GALNT13: variants seen among roughly 807,000 people sequenced by gnomAD.
GALNT13 encodes the protein polypeptide N-acetylgalactosaminyltransferase 13.
Under a neutral mutation model 64.2 loss-of-function variants are expected in GALNT13, and 28 were observed. The observed-to-expected ratio is 0.44, with a 90% CI of 0.32 to 0.60. The LOEUF (loss-of-function observed/expected upper bound fraction) is 0.60, where lower values mean the gene tolerates loss of function less well. Among genes scored for constraint, GALNT13 ranks in the 20% least tolerant of loss-of-function variants. GALNT13 has a pLI of 0.05. For synonymous variants in GALNT13, 214 were observed against 224.6 expected (o/e 0.95, Z 0.42); for missense variants, 577 against 669.8 (o/e 0.86, Z 1.53).
intron 3 of GALNT13, among the ~76,000 whole-genome samples, chr2:154,089,654 G>T (rs1701702632): frequency 6.6e-6 from 1 of 152,040 alleles, no homozygotes; most frequent in Non-Finnish European, 1.5e-5. Flanking sequence ...CACCCATCTG[G>T]AGTGGCGCTT....
chr2:153,813,115 G>T, the GALNT13 span, among the ~76,000 whole-genome samples: 2 of 151,872 alleles, frequency 1.3e-5, no homozygotes, highest in Admixed American at 6.6e-5. Context: ...TCTCACTTAG[G>T]TTTGAGACTG....
chr2:153,863,223 A>C, the GALNT13 span, among the ~76,000 whole-genome samples: 1 of 152,192 alleles, frequency 6.6e-6, no homozygotes, highest in Admixed American at 6.5e-5. Context: ...TTTGAATGAG[A>C]TAGGTGAAGC....
the GALNT13 span, among the ~76,000 whole-genome samples, chr2:153,717,203 T>C: frequency 6.6e-6 from 1 of 152,164 alleles, no homozygotes; most frequent in Non-Finnish European, 1.5e-5. Context: ...TTGCCATTTT[T>C]CCCCCTTCTG....
chr2:153,085,963 G>C, the GALNT13 span, among the ~76,000 whole-genome samples: 1 of 152,222 alleles, frequency 6.6e-6, no homozygotes, highest in Non-Finnish European at 1.5e-5. Flanking sequence ...AAAGCCATGG[G>C]AGCCGCCTCT....
the GALNT13 span, among the ~76,000 whole-genome samples, chr2:153,833,514 T>C: frequency 6.6e-6 from 1 of 152,148 alleles, no homozygotes; most frequent in Non-Finnish European, 1.5e-5. Flanking sequence ...GAAAGAAGTC[T>C]CACAGTATAA....
the GALNT13 span, among the ~76,000 whole-genome samples, chr2:153,823,460 A>C: frequency 6.6e-6 from 1 of 152,128 alleles, no homozygotes; most frequent in African/African-American, 2.4e-5. Flanking sequence ...GAACCCAGAT[A>C]CAAACCCTCA....
chr2:153,643,953 A>C, the GALNT13 span, among the ~76,000 whole-genome samples: 2 of 152,090 alleles, frequency 1.3e-5, no homozygotes, highest in Non-Finnish European at 1.5e-5. Context: ...AATCTGCAAC[A>C]ATCATCTTAG....
chr2:154,148,985 G>A (rs905439931), intron 4 of GALNT13, among the ~76,000 whole-genome samples: 2 of 152,136 alleles, frequency 1.3e-5, no homozygotes, highest in African/African-American at 4.8e-5. Flanking sequence ...TGGTGTTTTA[G>A]ACATGAAGTC....
the GALNT13 span, among the ~76,000 whole-genome samples, chr2:153,743,325 C>T: frequency 1.3e-5 from 2 of 152,014 alleles, no homozygotes; most frequent in Non-Finnish European, 2.9e-5. Context: ...GATTTGATAA[C>T]TTGGTTGTTG....
intron 9 of GALNT13, among the ~76,000 whole-genome samples, chr2:154,392,407 G>A (rs1698838293): frequency 6.6e-6 from 1 of 152,192 alleles, no homozygotes; most frequent in Non-Finnish European, 1.5e-5. Flanking sequence ...TGACAGGTGA[G>A]GGGGTCTGGT....
intron 3 of GALNT13, among the ~76,000 whole-genome samples, chr2:153,996,394 A>T (rs533703428): frequency 2.6e-5 from 4 of 152,190 alleles, no homozygotes; most frequent in African/African-American, 9.6e-5. Context: ...GTGATATCTT[A>T]TTATGGTTTT....
chr2:153,338,141 A>C, the GALNT13 span, among the ~76,000 whole-genome samples: 8 of 152,070 alleles, frequency 5.3e-5, no homozygotes, highest in Non-Finnish European at 1.2e-4. Context: ...ACAATAAAAA[A>C]AATTAGCCAG....
intron 9 of GALNT13, among the ~76,000 whole-genome samples, chr2:154,376,382 T>C (rs34455330): frequency 0.11 from 17,436 of 152,174 alleles, 1,061 homozygotes; most frequent in Non-Finnish European, 0.14. Flanking sequence ...ATTTTGTAGA[T>C]GGGATACATT....
chr2:153,877,714 C>G (rs984886687), intron 1 of GALNT13, among the ~76,000 whole-genome samples: 1 of 151,818 alleles, frequency 6.6e-6, no homozygotes, highest in Non-Finnish European at 1.5e-5. Flanking sequence ...TGAAATACAA[C>G]CATTAGTTTA....
chr2:153,551,435 GGAAGACAAAGGCAACATTAAT>G, the GALNT13 span, among the ~76,000 whole-genome samples: 1 of 152,158 alleles, frequency 6.6e-6, no homozygotes, highest in Admixed American at 6.5e-5. Context: ...GCAGAATTGA[GGAAGACAAAGGCAACATTAAT>G]GGAGACAAAG....
the GALNT13 span, among the ~76,000 whole-genome samples, chr2:153,669,552 C>G: frequency 1.3e-5 from 2 of 152,264 alleles, no homozygotes; most frequent in African/African-American, 4.8e-5. Flanking sequence ...AGAAGACTAG[C>G]AGTTGCTTCC....
the GALNT13 span, among the ~76,000 whole-genome samples, chr2:153,350,384 C>CTTTTTTT: frequency 2.9e-4 from 38 of 129,948 alleles, 1 homozygote; most frequent in East Asian, 6.5e-4. Flanking sequence ...TTCTTTCTTT[C>CTTTTTTT]TTTTTTTTTT....
At chr2:154,127,636 G>C (rs1321240373) in intron 3 of GALNT13, among the ~76,000 whole-genome samples, 1 of 150,838 alleles carries the variant, frequency 6.6e-6, no homozygotes, top group Non-Finnish European at 1.5e-5. Flanking sequence ...GAAGAAGTTT[G>C]GGTATGTGTG....
the GALNT13 span, among the ~76,000 whole-genome samples, chr2:153,387,809 A>C: frequency 6.6e-6 from 1 of 152,104 alleles, no homozygotes; most frequent in Non-Finnish European, 1.5e-5. Context: ...AATTAAAAGC[A>C]CCTCATAAAA....
Sources: gnomAD v4.1 joint callset for allele counts (sites outside exome capture counted in the v4.1 genomes callset) on GRCh38, gnomAD v4.1.1 for gene constraint, MANE v1.5 for transcripts, NCBI Gene and HGNC (gene_info 2026-07-23, HGNC 2026-07-21) for gene names.